The following STRN variants were observed in gnomAD, a reference collection of about 807,000 sequenced individuals.
The protein encoded by STRN is striatin, also known as protein phosphatase 2 regulatory subunit B'''alpha.
A neutral mutation model predicts 96.3 loss-of-function variants in STRN; 53 were observed. That is an observed-to-expected ratio of 0.55 (90% CI 0.44 to 0.69). The LOEUF (loss-of-function observed/expected upper bound fraction) is 0.69, where lower values mean the gene tolerates loss of function less well. Among genes scored for constraint, STRN ranks in the 30% least tolerant of loss-of-function variants. The probability of loss-of-function intolerance (pLI) is 0.00; values close to 1 mark genes in which losing one functional copy is unlikely to be tolerated. For missense variants in STRN, 987 were observed against 963.9 expected, an observed-to-expected ratio of 1.02 and a Z score of -0.32; for synonymous variants, 428 against 355.9, an observed-to-expected ratio of 1.20 and a Z score of -2.28.
Position 36,851,016 on chromosome 2 carries a change from G to A in STRN, c.2070C>T (p.Phe690=). 6.2e-7 allele frequency: 1 copy of A among 1,606,930 alleles called. No homozygotes were observed. Among genetic ancestry groups the A allele is most frequent in the Non-Finnish European group, 8.5e-7 (1 of 1,175,664 alleles). ...AATTCTTACCTGTATTGTTATCATA[G>A]AATTTGATGTGCCTGTCTTCATGAG... is the stretch of plus-strand genomic sequence containing the variant. ...ITAHEDRHIK[F]YDNNTGKLIH... is the part of the protein sequence containing the mutation. The change falls in exon 16 of 18, where the codon TTC becomes TTT. Residue 690 remains phenylalanine, a synonymous_variant. Coordinates refer to ENST00000263918, the MANE Select transcript of STRN (RefSeq NM_003162.4).
At chr2:36,903,267 T>A (rs1669736445) in intron 4 of STRN, among the ~76,000 whole-genome samples, 1 of 152,174 alleles carries the variant, frequency 6.6e-6, no homozygotes, top group South Asian at 2.1e-4. Flanking sequence ...TGCAATTAAA[T>A]TGTAGAATGT....
Position 36,846,012 on chromosome 2 carries a change from C to A in STRN, c.*3444G>T. On this transcript the variant is annotated 3_prime_UTR_variant, in exon 18 of 18. Coordinates refer to ENST00000263918, the MANE Select transcript of STRN (RefSeq NM_003162.4). ...CCCCCTCCCCAAACTCAATCTTCATCCTCACTGTAAGGCTGCATTTTTTTT... is the reference window on the plus strand; with the variant it reads ...CCCCCTCCCCAAACTCAATCTTCATACTCACTGTAAGGCTGCATTTTTTTT... 1 of 58,508 alleles carries A rather than the reference C, an allele frequency of 1.7e-5. No individual in the cohort carries two copies. The highest frequency in any genetic ancestry group is 5.6e-4 in the East Asian group (1 of 1,776). The allele number at this position is 58,508 out of a possible 1,614,324, so 3.6% of individuals were successfully genotyped here. A position where few individuals can be genotyped will look rare whatever the true frequency, so the allele number is the denominator to read the frequency against.
chr2:36,882,249 A>T (rs1669092127), intron 9 of STRN, among the ~76,000 whole-genome samples: 1 of 152,234 alleles, frequency 6.6e-6, no homozygotes, highest in African/African-American at 2.4e-5. Context: ...GTGTTGATCA[A>T]TAAATAATAA....
chr2:36,957,255 C>T (rs1373592993), intron 1 of STRN, among the ~76,000 whole-genome samples: 3 of 152,156 alleles, frequency 2.0e-5, no homozygotes, highest in Non-Finnish European at 4.4e-5. Context: ...AAATTCACAT[C>T]AGCTGGGTGG....
At chr2:36,951,626 T>C (rs892397633) in intron 1 of STRN, among the ~76,000 whole-genome samples, 2 of 152,206 alleles carry the variant, frequency 1.3e-5, no homozygotes, top group South Asian at 2.1e-4. Context: ...TTAATACATA[T>C]TGAGTAACAG....
At chr2:36,852,175 C>A (rs1317755150) in intron 15 of STRN, among the ~76,000 whole-genome samples, 1 of 152,188 alleles carries the variant, frequency 6.6e-6, no homozygotes, top group African/African-American at 2.4e-5. Flanking sequence ...ATCACACATT[C>A]TTCCTGAAAG....
chr2:36,895,439 C>T (rs1341526655), intron 6 of STRN, among the ~76,000 whole-genome samples: 1 of 152,102 alleles, frequency 6.6e-6, no homozygotes, highest in Admixed American at 6.5e-5. Context: ...TACTTCTATG[C>T]TTACAGCACC....
At chr2:36,912,789 T>A (rs551534508) in intron 3 of STRN, among the ~76,000 whole-genome samples, 9 of 152,168 alleles carry the variant, frequency 5.9e-5, no homozygotes, top group South Asian at 2.1e-4. Context: ...CATCTTCACT[T>A]GGTTACCTAA....
intron 1 of STRN, among the ~76,000 whole-genome samples, chr2:36,957,744 C>CTTTTTTTTTTTTTTTTTTT (rs1159531782): frequency 1.1e-5 from 1 of 89,208 alleles, no homozygotes; most frequent in Non-Finnish European, 2.1e-5. Context: ...TTCTTTTTGT[C>CTTTTTTTTTTTTTTTTTTT]TTTTTTTTTT....
Position 36,925,341 on chromosome 2 carries a change from G to A in STRN, c.235-133C>T, listed in dbSNP as rs973218314. On this transcript the variant is annotated intron_variant, in intron 1 of 17. Transcript: ENST00000263918. The stretch of plus-strand genomic sequence containing the variant: ...CCTTTACACATTTCTCACAAAGTAT[G>A]TACAAATATAAAAATGCACTGACTG... 18 of 636,116 alleles carry A rather than the reference G, an allele frequency of 2.8e-5. No homozygotes were observed. In the Admixed American group the frequency reaches 5.0e-4, roughly 18 times the overall value. The allele number at this position is 636,116 out of a possible 1,614,324, so 39.4% of individuals were successfully genotyped here.
intron 12 of STRN, among the ~76,000 whole-genome samples, chr2:36,865,939 T>C (rs1203009807): frequency 6.6e-6 from 1 of 152,190 alleles, no homozygotes; most frequent in Non-Finnish European, 1.5e-5. Flanking sequence ...TCTGGTATGT[T>C]GTAGCTTTGG....
chr2:36,909,120 C>A (rs1398940402), intron 3 of STRN, among the ~76,000 whole-genome samples: 2 of 145,502 alleles, frequency 1.4e-5, no homozygotes, highest in Admixed American at 7.0e-5. Flanking sequence ...TGCACCACTG[C>A]ACTGCAGCCT....
chr2:36,937,564 G>A (rs1169109458), intron 1 of STRN, among the ~76,000 whole-genome samples: 1 of 151,774 alleles, frequency 6.6e-6, no homozygotes, highest in Non-Finnish European at 1.5e-5. Context: ...CAGCTACCTG[G>A]TTGGGAGGCT....
chr2:36,887,264 G>C (rs1290680189), intron 7 of STRN, among the ~76,000 whole-genome samples: 5 of 113,872 alleles, frequency 4.4e-5, no homozygotes, highest in South Asian at 2.9e-4. Context: ...CCCATTTCTA[G>C]TAAAATAAAT....
intron 2 of STRN, among the ~76,000 whole-genome samples, chr2:36,924,219 G>A (rs1412929981): frequency 6.6e-6 from 1 of 152,004 alleles, no homozygotes; most frequent in East Asian, 1.9e-4. Context: ...AGCCAGGCGT[G>A]GTGGCGGGCA....
intron 1 of STRN, among the ~76,000 whole-genome samples, chr2:36,961,911 C>A (rs1572704344): frequency 6.6e-6 from 1 of 152,206 alleles, no homozygotes; most frequent in South Asian, 2.1e-4. Flanking sequence ...TCCCTTCCCC[C>A]AGCTGTTCCT....
rs369984397 is a variant in STRN, at chr2:36,839,367, T to C, written c.*10089A>G. Among the ~76,000 whole-genome samples, 26 of 152,186 alleles carry C rather than the reference T, an allele frequency of 1.7e-4. No homozygotes were observed. The highest frequency in any genetic ancestry group is 5.3e-4 in the African/African-American group (22 of 41,448). On this transcript the variant is annotated 3_prime_UTR_variant, in exon 18 of 18. Transcript: ENST00000263918. ...CCAGCAACTAGAACTGTGTGGCATA[T>C]AGCTGGCACTCAAATATTAAGGAAA... is the stretch of plus-strand genomic sequence containing the variant.
In STRN at chr2:36,844,207, A is replaced by G. The variant is rs1668012595; in HGVS notation, c.*5249T>C. 6.6e-6 allele frequency: 1 copy of G among 152,164 alleles called. No homozygotes were observed. Among genetic ancestry groups the G allele is most frequent in the Non-Finnish European group, 1.5e-5 (1 of 68,014 alleles). 9.4% of individuals were successfully genotyped at this position (152,164 alleles called of 1,614,324 possible). A position where few individuals can be genotyped will look rare whatever the true frequency, so the allele number is the denominator to read the frequency against. The stretch of plus-strand genomic sequence containing the variant: ...GGATACCTATTAATCTGGGCTGGAA[A>G]AAAAGTGTGTGGAGAAGGGGAGTTG... On this transcript the variant is annotated 3_prime_UTR_variant, in exon 18 of 18. Transcript: ENST00000263918.
intron 6 of STRN, among the ~76,000 whole-genome samples, chr2:36,895,679 A>T (rs1313302343): frequency 6.6e-6 from 1 of 151,472 alleles, no homozygotes; most frequent in Non-Finnish European, 1.5e-5. Flanking sequence ...TGGGAGGCCG[A>T]GATGGGTGGA....
Sources: allele counts gnomAD v4.1 joint callset (sites outside exome capture counted in the v4.1 genomes callset), GRCh38; gene constraint gnomAD v4.1.1; transcripts MANE v1.5; gene names NCBI Gene and HGNC (gene_info 2026-07-23, HGNC 2026-07-21).